Variants in CENPK observed in about 807,000 individuals in gnomAD.
CENPK encodes centromere protein K.
Under a neutral mutation model 40.9 loss-of-function variants are expected in CENPK, and 46 were observed. The ratio of observed to expected loss-of-function variants is 1.13; its 90% CI spans 0.89 to 1.44. The LOEUF is 1.44. Among genes scored for constraint, CENPK ranks in the 40% most tolerant of loss-of-function variants. CENPK has a pLI of 0.00. For synonymous variants in CENPK, 107 were observed against 104.4 expected, an observed-to-expected ratio of 1.02 and a Z score of -0.15; for missense variants, 288 against 303.5, an observed-to-expected ratio of 0.95 and a Z score of 0.38.
At chr5:65,505,491 A>G in the CENPK span, among the ~76,000 whole-genome samples, 6 of 152,310 alleles carry the variant, frequency 3.9e-5, no homozygotes, top group South Asian at 1.2e-3. Flanking sequence ...TAAAAAATAC[A>G]TTAGCTGGGC....
At chr5:65,549,033 T>C (rs1749511167) in intron 5 of CENPK, among the ~76,000 whole-genome samples, 1 of 152,208 alleles carries the variant, frequency 6.6e-6, no homozygotes, top group Admixed American at 6.5e-5. Flanking sequence ...ATGACAGCTA[T>C]AGCCTTACGA....
chr5:65,502,782 T>C, the CENPK span, among the ~76,000 whole-genome samples: 3 of 151,742 alleles, frequency 2.0e-5, no homozygotes, highest in African/African-American at 7.3e-5. Context: ...TTCTAACCAA[T>C]ATAAATTTTT....
At chr5:65,533,592 C>A (rs6898072) in intron 6 of CENPK, among the ~76,000 whole-genome samples, 1 of 151,844 alleles carries the variant, frequency 6.6e-6, no homozygotes, top group South Asian at 2.1e-4. Flanking sequence ...AATAACCCCC[C>A]AAAAAGAGAT....
In CENPK at chr5:65,563,166, TGC is replaced by T; in HGVS notation, c.-212_-211del. ...GAAGCGCTTGCCAGCCCCGGACTTC[TGC>T]GCGCGCTGCATGCCCATTGGATGTG... On this transcript the variant is annotated 5_prime_UTR_variant, in exon 1 of 11. Coordinates refer to ENST00000396679, the MANE Select transcript of CENPK (RefSeq NM_022145.5). 2 of 1,104,684 alleles carry T rather than the reference TGC, an allele frequency of 1.8e-6. No individual in the cohort carries two copies. The highest frequency in any genetic ancestry group is 1.6e-5 in the South Asian group (1 of 61,436). 68.4% of individuals were successfully genotyped at this position (1,104,684 alleles called of 1,614,324 possible). A position where few individuals can be genotyped will look rare whatever the true frequency, so the allele number is the denominator to read the frequency against.
chr5:65,551,862 CT>C (rs1256077676), intron 4 of CENPK, among the ~76,000 whole-genome samples: 1 of 151,640 alleles, frequency 6.6e-6, no homozygotes, highest in Non-Finnish European at 1.5e-5. Flanking sequence ...AATGTCAGTC[CT>C]TTTTTTAGGC....
At chr5:65,542,937 T>A in intron 5 of CENPK, 89 bp from the exon 6 acceptor site, 1 of 1,015,818 alleles carries the variant, frequency 9.8e-7, no homozygotes, top group Non-Finnish European at 1.5e-6. Context: ...CTAAGATACT[T>A]CTTTCCATCT....
the CENPK span, among the ~76,000 whole-genome samples, chr5:65,503,221 C>T: frequency 2.7e-5 from 4 of 149,736 alleles, no homozygotes; most frequent in African/African-American, 9.9e-5. Flanking sequence ...GCGATTCTGC[C>T]TCAGCCTCCC....
intron 4 of CENPK, among the ~76,000 whole-genome samples, chr5:65,552,060 A>G (rs1750171588): frequency 6.6e-6 from 1 of 151,696 alleles, no homozygotes; most frequent in Admixed American, 6.6e-5. Context: ...ACTGGGTTCA[A>G]GTGATTCTCA....
chr5:65,541,574 T>C, intron 6 of CENPK: 1 of 404,968 alleles, frequency 2.5e-6, no homozygotes, highest in Non-Finnish European at 5.1e-6. Context: ...ATGTTCTTTC[T>C]TTCCAGGTGA....
At chr5:65,547,162 G>A (rs570914772) in intron 5 of CENPK, among the ~76,000 whole-genome samples, 47 of 152,102 alleles carry the variant, frequency 3.1e-4, no homozygotes, top group Admixed American at 2.7e-3. Flanking sequence ...GGAGGCTGAC[G>A]CAGGAGGATC....
chr5:65,552,852 G>C (rs926260205), intron 3 of CENPK, among the ~76,000 whole-genome samples: 5 of 150,804 alleles, frequency 3.3e-5, no homozygotes, highest in Non-Finnish European at 7.4e-5. Flanking sequence ...AAAATAAGAG[G>C]GAAAGCACTA....
the CENPK span, among the ~76,000 whole-genome samples, chr5:65,502,874 C>T: frequency 2.3e-4 from 35 of 152,098 alleles, no homozygotes; most frequent in Non-Finnish European, 2.6e-4. Context: ...GGTGCAAGCT[C>T]GGCTCACGGC....
chr5:65,502,070 T>C, the CENPK span, among the ~76,000 whole-genome samples: 10 of 152,194 alleles, frequency 6.6e-5, no homozygotes, highest in Admixed American at 3.3e-4. Context: ...CACCATGTTA[T>C]AGCTCAACAA....
rs1425234534 is a variant in CENPK at position 65,528,945 on chromosome 5, A to G, written c.444T>C (p.Asn148=). The change falls in exon 8 of 11, where the codon AAT becomes AAC. Residue 148 remains asparagine, a synonymous_variant. Coordinates refer to ENST00000396679, the MANE Select transcript of CENPK (RefSeq NM_022145.5). The part of the protein sequence containing the change: ...SLNVLHSELK[N]KVETFSESRI... ...TTGATTCAGAAAATGTTTCAACCTT[A>G]TTTTTCAATTCACTGTGTAGTACAT... 1.3e-6 allele frequency: 2 copies of G among 1,589,718 alleles called. No individual in the cohort carries two copies. Among genetic ancestry groups the G allele is most frequent in the Non-Finnish European group, 1.7e-6 (2 of 1,165,006 alleles).
At chr5:65,546,302 G>A (rs565784946) in intron 5 of CENPK, among the ~76,000 whole-genome samples, 67 of 151,972 alleles carry the variant, frequency 4.4e-4, no homozygotes, top group Admixed American at 1.5e-3. Context: ...CACCACACCC[G>A]GCTGTTCTAA....
the CENPK span, among the ~76,000 whole-genome samples, chr5:65,504,050 C>T: frequency 2.0e-5 from 3 of 151,846 alleles, no homozygotes; most frequent in Non-Finnish European, 2.9e-5. Context: ...CCTTTGCTTG[C>T]GATCATTATA....
chr5:65,540,402 T>G (rs757233630), intron 6 of CENPK, among the ~76,000 whole-genome samples: 3 of 152,222 alleles, frequency 2.0e-5, no homozygotes, highest in South Asian at 2.1e-4. Context: ...ATTGTGATAT[T>G]GTAAAATATA....
At chr5:65,519,630 C>T (rs1224956459) in intron 10 of CENPK, among the ~76,000 whole-genome samples, 1 of 152,084 alleles carries the variant, frequency 6.6e-6, no homozygotes, top group African/African-American at 2.4e-5. Context: ...ATAATTTATA[C>T]AATTACAAAG....
chr5:65,528,630 C>A (rs1401956354), intron 8 of CENPK, 52 bp from the exon 9 acceptor site: 1 of 1,434,094 alleles, frequency 7.0e-7, no homozygotes, highest in Non-Finnish European at 9.2e-7. Context: ...AACACATACA[C>A]ACATGTAACT....
Sources: gnomAD v4.1 joint callset for allele counts (sites outside exome capture counted in the v4.1 genomes callset) on GRCh38, gnomAD v4.1.1 for gene constraint, MANE v1.5 for transcripts, NCBI Gene and HGNC (gene_info 2026-07-23, HGNC 2026-07-21) for gene names.